Variants in GALNT17 observed in about 807,000 individuals in gnomAD.
The protein encoded by GALNT17 is UDP-GalNAc:polypeptide N-acetylgalactosaminyltransferase-like 3.
In GALNT17, 29 loss-of-function variants were observed where a neutral mutation model predicts 63.7. That is an observed-to-expected ratio of 0.46 (90% CI 0.34 to 0.62). GALNT17 has a LOEUF of 0.62. Among genes scored for constraint, GALNT17 ranks in the 20% least tolerant of loss-of-function variants. GALNT17 has a pLI of 0.01. For missense variants in GALNT17, 603 were observed against 799.6 expected (o/e 0.75, Z 2.97); for synonymous variants, 305 against 318.3 (o/e 0.96, Z 0.45).
chr7:71,486,375 A>G (rs934335459), intron 5 of GALNT17, among the ~76,000 whole-genome samples: 19 of 130,176 alleles, frequency 1.5e-4, no homozygotes, highest in Non-Finnish European at 2.5e-4. Context: ...AATAATAATA[A>G]TAATAATAAT....
intron 5 of GALNT17, among the ~76,000 whole-genome samples, chr7:71,504,243 A>G (rs1788228955): frequency 6.6e-6 from 1 of 151,198 alleles, no homozygotes. Flanking sequence ...AAAAAAAAAA[A>G]TTAGCTGGGC....
intron 9 of GALNT17, among the ~76,000 whole-genome samples, chr7:71,694,496 A>G (rs1791510942): frequency 6.6e-6 from 1 of 151,858 alleles, no homozygotes; most frequent in Non-Finnish European, 1.5e-5. Flanking sequence ...CCCAGATTCA[A>G]GCAATTCTCC....
intron 5 of GALNT17, among the ~76,000 whole-genome samples, chr7:71,467,075 TC>T: frequency 6.6e-6 from 1 of 152,194 alleles, no homozygotes; most frequent in Non-Finnish European, 1.5e-5. Flanking sequence ...CTTCATGGCC[TC>T]TGACATTGGT....
intron 6 of GALNT17, among the ~76,000 whole-genome samples, chr7:71,606,595 T>C (rs1219947952): frequency 6.6e-6 from 1 of 152,204 alleles, no homozygotes; most frequent in East Asian, 1.9e-4. Flanking sequence ...TTAGACTGTC[T>C]TATCTCTTCG....
chr7:71,135,613 A>T (rs893830467), intron 1 of GALNT17, among the ~76,000 whole-genome samples: 1 of 152,160 alleles, frequency 6.6e-6, no homozygotes, highest in Non-Finnish European at 1.5e-5. Context: ...GCCCTTTAAG[A>T]CAGATTTCTG....
intron 1 of GALNT17, among the ~76,000 whole-genome samples, chr7:71,227,760 G>T (rs1223649862): frequency 6.6e-6 from 1 of 152,142 alleles, no homozygotes; most frequent in Non-Finnish European, 1.5e-5. Context: ...CTGCAGCCAT[G>T]AATTTTTTTA....
intron 1 of GALNT17, among the ~76,000 whole-genome samples, chr7:71,175,228 G>A (rs750739393): frequency 2.6e-5 from 4 of 151,142 alleles, no homozygotes; most frequent in African/African-American, 7.3e-5. Context: ...CTCCATCACT[G>A]TCTGTCCACA....
chr7:71,155,175 T>C (rs926887630), intron 1 of GALNT17, among the ~76,000 whole-genome samples: 1 of 151,872 alleles, frequency 6.6e-6, no homozygotes, highest in Non-Finnish European at 1.5e-5. Flanking sequence ...CTGACATTGC[T>C]CATCATACCC....
At chr7:71,302,248 G>A (rs1791214596) in intron 1 of GALNT17, among the ~76,000 whole-genome samples, 1 of 152,138 alleles carries the variant, frequency 6.6e-6, no homozygotes, top group Admixed American at 6.6e-5. Flanking sequence ...ATGCATGCGG[G>A]GCTGAATACC....
chr7:71,462,183 C>T (rs571561647), intron 5 of GALNT17, among the ~76,000 whole-genome samples: 1 of 152,320 alleles, frequency 6.6e-6, no homozygotes, highest in East Asian at 1.9e-4. Flanking sequence ...GTGCATGCTT[C>T]TCCCCTGTAG....
At chr7:71,558,243 T>C (rs559798022) in intron 5 of GALNT17, among the ~76,000 whole-genome samples, 3 of 152,220 alleles carry the variant, frequency 2.0e-5, no homozygotes, top group African/African-American at 7.2e-5. Context: ...TGGGTACTTA[T>C]AAACAAAGTG....
rs147719825 is a variant in GALNT17, at chr7:71,197,580, C to G, written c.238+64540C>G. On this transcript the variant is annotated intron_variant, in intron 1 of 10. Coordinates refer to ENST00000333538, the MANE Select transcript of GALNT17 (RefSeq NM_022479.3). ...TTTTTGTACCCATTAACAGTCCCCA[C>G]TTTCCTCCACTCCCCCACTCCCCTT... Among the ~76,000 whole-genome samples the G allele has an allele frequency of 1.2e-3, 182 of 152,092 alleles. 2 individuals are homozygous for G. Among genetic ancestry groups the G allele is most frequent in the African/African-American group, 4.2e-3 (176 of 41,502 alleles).
chr7:71,209,910 A>ATATTTATT (rs146339555), intron 1 of GALNT17, among the ~76,000 whole-genome samples: 76 of 151,652 alleles, frequency 5.0e-4, no homozygotes, highest in African/African-American at 1.2e-3. Flanking sequence ...AGATGTTGTG[A>ATATTTATT]TATTTATTTA....
chr7:71,362,734 G>A (rs894096564), intron 2 of GALNT17, among the ~76,000 whole-genome samples: 7 of 151,968 alleles, frequency 4.6e-5, no homozygotes, highest in Non-Finnish European at 7.4e-5. Flanking sequence ...ATATTTTTAC[G>A]GGAAACGCTC....
intron 1 of GALNT17, among the ~76,000 whole-genome samples, chr7:71,297,573 G>A (rs965504051): frequency 3.3e-5 from 5 of 151,540 alleles, no homozygotes; most frequent in Non-Finnish European, 5.9e-5. Flanking sequence ...AGGTTGCAGT[G>A]AGCTGAGAGC....
At chr7:71,638,553 A>G (rs1337122201) in intron 6 of GALNT17, among the ~76,000 whole-genome samples, 1 of 152,152 alleles carries the variant, frequency 6.6e-6, no homozygotes, top group Non-Finnish European at 1.5e-5. Context: ...GATGTGGACG[A>G]AAAGGGCATC....
At chr7:71,562,132 A>C (rs1362499723) in intron 5 of GALNT17, among the ~76,000 whole-genome samples, 2 of 151,864 alleles carry the variant, frequency 1.3e-5, no homozygotes, top group Non-Finnish European at 2.9e-5. Context: ...TTTTTTTAAA[A>C]AATTATTTTT....
chr7:71,560,265 C>T (rs1207799070), intron 5 of GALNT17, among the ~76,000 whole-genome samples: 1 of 151,372 alleles, frequency 6.6e-6, no homozygotes, highest in Non-Finnish European at 1.5e-5. Flanking sequence ...ATTGAGATGC[C>T]CAGTAAAGGG....
At chr7:71,707,427 G>T (rs942007391) in intron 9 of GALNT17, among the ~76,000 whole-genome samples, 1 of 152,188 alleles carries the variant, frequency 6.6e-6, no homozygotes, top group African/African-American at 2.4e-5. Flanking sequence ...CAGCAGAGGC[G>T]AGGCTACTAG....
Sources: allele counts gnomAD v4.1 joint callset (sites outside exome capture counted in the v4.1 genomes callset), GRCh38; gene constraint gnomAD v4.1.1; transcripts MANE v1.5; gene names NCBI Gene and HGNC (gene_info 2026-07-23, HGNC 2026-07-21).